The following PRPF19 variants were observed in gnomAD, a reference collection of about 807,000 sequenced individuals.
PRPF19 encodes pre-mRNA-processing factor 19.
PRPF19 carries 2 observed loss-of-function variants against 64.2 expected under a neutral mutation model. The observed-to-expected ratio is 0.03, with a 90% CI of 0.01 to 0.10. The LOEUF is 0.10. PRPF19 is among the 10% of genes least tolerant of loss of function. PRPF19 has a pLI of 1.00. For synonymous variants in PRPF19, 226 were observed against 251.6 expected, an observed-to-expected ratio of 0.90 and a Z score of 0.96; for missense variants, 314 against 650.0, an observed-to-expected ratio of 0.48 and a Z score of 5.62.
At chr11:60,892,088 A>G (rs1297023402) in intron 15 of PRPF19, among the ~76,000 whole-genome samples, 1 of 152,138 alleles carries the variant, frequency 6.6e-6, no homozygotes, top group Non-Finnish European at 1.5e-5. Context: ...CCATCTCCAC[A>G]ACACCAGCTG....
At chr11:60,896,945 A>AT (rs1565110035) in intron 15 of PRPF19, among the ~76,000 whole-genome samples, 4 of 152,338 alleles carry the variant, frequency 2.6e-5, no homozygotes, top group Admixed American at 1.3e-4. Context: ...AAAAGAATCC[A>AT]TTTTTTTAAG....
intron 15 of PRPF19, among the ~76,000 whole-genome samples, chr11:60,895,324 T>C (rs1855907917): frequency 6.6e-6 from 1 of 152,262 alleles, no homozygotes; most frequent in Non-Finnish European, 1.5e-5. Context: ...CTTCACCTTG[T>C]ACTTTTCTGT....
Position 60,899,250 on chromosome 11 carries a change from T to A in PRPF19, c.883A>T (p.Asn295Tyr). 6.2e-7 allele frequency: 1 copy of A among 1,613,842 alleles called. No homozygotes were observed. The highest frequency in any genetic ancestry group is 8.5e-7 in the Non-Finnish European group (1 of 1,179,714). ...CGAACCACCTGTACACAAGAGGCAT[T>A]GGGGACCGACCAAATCCTGATAGTG... ...DATIRIWSVPNASCVQVVRAH... is the reference protein window; with the variant it reads ...DATIRIWSVPYASCVQVVRAH... The change falls in exon 11 of 16, where the codon AAT (asparagine) becomes TAT (tyrosine). Residue 295 changes from asparagine (N) to tyrosine (Y), a missense_variant. Around this residue, in one of 7 missense-constraint regions of PRPF19, gnomAD observed 175 missense variants for 342.9 expected, o/e 0.51. Coordinates refer to ENST00000227524, the MANE Select transcript of PRPF19 (RefSeq NM_014502.5).
chr11:60,902,587 A>G lies in PRPF19; in HGVS notation c.458T>C (p.Val153Ala). ...TAAGGGAAGGGGGACACTTACCACA[A>G]CACTTGGTTGGGAACTTGGCACAGC... ...PQAVPSSQPSVVGAGEPMDLG... is the reference protein window; with the variant it reads ...PQAVPSSQPSAVGAGEPMDLG... The change falls in exon 5 of 16, where the codon GTT becomes GCT. Residue 153 changes from valine (V) to alanine (A), a missense_variant. Val to Ala is a moderately conservative substitution (Grantham distance 64, BLOSUM62 0). Transcript: ENST00000227524. This position sits in a 1 kb window ranked among gnomAD's most constrained non-coding sequence, Gnocchi z 5.0. 2 of 1,613,718 alleles carry G rather than the reference A, an allele frequency of 1.2e-6. No homozygotes were observed. Among genetic ancestry groups the G allele is most frequent in the Admixed American group, 3.3e-5 (2 of 60,032 alleles).
intron 7 of PRPF19, 36 bp from the exon 8 acceptor site, chr11:60,901,405 A>G (rs763904306): frequency 7.4e-6 from 12 of 1,614,050 alleles, no homozygotes; most frequent in Admixed American, 1.7e-5. Flanking sequence ...AAGAGCAGCA[A>G]TGAATCCAAG....
chr11:60,902,914 TG>T lies in PRPF19; in HGVS notation c.247-34del, dbSNP rs747766750. 1.2e-6 allele frequency: 2 copies of T among 1,606,654 alleles called. No individual in the cohort carries two copies. The highest frequency in any genetic ancestry group is 2.2e-5 in the East Asian group (1 of 44,814). ...AAGCAAATATCATTGTAAGGTGAGG[TG>T]GGGGGTGCAGGGAGTACCCAGTGGA... On this transcript the variant is annotated intron_variant, in intron 3 of 15. Coordinates refer to ENST00000227524, the MANE Select transcript of PRPF19 (RefSeq NM_014502.5). This position sits in a 1 kb window ranked among gnomAD's most constrained non-coding sequence, Gnocchi z 5.0.
At position 60,901,335 on chromosome 11, in the gene PRPF19, G is replaced by T; in HGVS notation, c.602C>A (p.Pro201Gln). The change falls in exon 8 of 16, where the codon CCA becomes CAA. Residue 201 changes from proline (P) to glutamine (Q), a missense_variant. Physicochemically the swap from Pro to Gln is moderately conservative, Grantham distance 76. This residue lies in a region of PRPF19 where 175 missense variants were observed against 342.9 expected (regional missense o/e 0.51). Coordinates refer to ENST00000227524, the MANE Select transcript of PRPF19 (RefSeq NM_014502.5). ...CTGCCGGTATTTGCTGAGCTCTTCTGGCTTCACCAGCTCCTCAGGCACAGT... is the reference window on the plus strand; with the variant it reads ...CTGCCGGTATTTGCTGAGCTCTTCTTGCTTCACCAGCTCCTCAGGCACAGT... ...GKTVPEELVK[P>Q]EELSKYRQVA... The T allele has an allele frequency of 6.2e-7, 1 of 1,614,162 alleles. No individual in the cohort carries two copies. The highest frequency in any genetic ancestry group is 1.1e-5 in the South Asian group (1 of 91,082).
At chr11:60,901,946 A>C (rs1032637702) in intron 6 of PRPF19, among the ~76,000 whole-genome samples, 2 of 152,226 alleles carry the variant, frequency 1.3e-5, no homozygotes, top group African/African-American at 4.8e-5. Context: ...CTGGACTTGC[A>C]ATCAGGAAGC....
At position 60,902,731 on chromosome 11, in the gene PRPF19, A is replaced by G. The variant is rs749096228; in HGVS notation, c.388+9T>C. On this transcript the variant is annotated intron_variant, in intron 4 of 15. Coordinates refer to ENST00000227524, the MANE Select transcript of PRPF19 (RefSeq NM_014502.5). This position sits in a 1 kb window ranked among gnomAD's most constrained non-coding sequence, Gnocchi z 5.0. ...CCCAGGGTGGGGGATGGCAGGGGAG[A>G]GGCTGCACCTTCTCGGGCAGCAGTG... The G allele has an allele frequency of 2.5e-5, 41 of 1,614,030 alleles. No homozygotes were observed. Among genetic ancestry groups the G allele is most frequent in the Admixed American group, 3.3e-5 (2 of 60,004 alleles).
intron 1 of PRPF19, among the ~76,000 whole-genome samples, chr11:60,905,145 C>T (rs1313942959): frequency 6.6e-6 from 1 of 152,230 alleles, no homozygotes; most frequent in Non-Finnish European, 1.5e-5. Context: ...TTCACAACAA[C>T]CCGCAATAGA....
At chr11:60,901,208 G>T in intron 8 of PRPF19, 87 bp downstream of exon 8, 2 of 1,409,074 alleles carry the variant, frequency 1.4e-6, no homozygotes, top group Non-Finnish European at 2.0e-6. Context: ...GGACAGCTCT[G>T]CACTCAGCAC....
At position 60,900,873 on chromosome 11, in the gene PRPF19, G is replaced by A; in HGVS notation, c.699C>T (p.Asp233=). Residue 233 remains aspartate (D), a synonymous_variant, in exon 9 of 16, where the codon GAC becomes GAT. Transcript: ENST00000227524. The part of the protein sequence containing the change: ...GILALDLCPS[D]TNKILTGGAD... ...TCTCACCAGTGAGGATCTTGTTGGT[G>A]TCGGACGGGCAGAGGTCCAGGGCCA... The A allele has an allele frequency of 6.2e-7, 1 of 1,614,176 alleles. No individual in the cohort carries two copies. The highest frequency in any genetic ancestry group is 8.5e-7 in the Non-Finnish European group (1 of 1,180,034).
intron 1 of PRPF19, among the ~76,000 whole-genome samples, chr11:60,904,987 C>T (rs1856027513): frequency 6.6e-6 from 1 of 152,150 alleles, no homozygotes. Flanking sequence ...AACTGATTAG[C>T]GTACAGACAC....
In PRPF19 at chr11:60,900,632, G is replaced by A. The variant is rs1214961919; in HGVS notation, c.778C>T (p.Leu260Phe). The A allele has an allele frequency of 6.4e-7, 1 of 1,558,892 alleles. No homozygotes were observed. Residue 260 changes from leucine (L) to phenylalanine (F), a missense_variant, in exon 10 of 16, where the codon CTC becomes TTC. Physicochemically the swap from Leu to Phe is conservative, Grantham distance 22. This residue lies in a region of PRPF19 where 175 missense variants were observed against 342.9 expected (regional missense o/e 0.51). Transcript: ENST00000227524. ...DKSSEQILAT[L>F]KGHTKKVTSV... is the part of the protein sequence containing the mutation. The stretch of plus-strand genomic sequence containing the variant: ...GTGACCTTCTTGGTATGGCCTTTGA[G>A]GGTAGCCAGGATTTGTTCAGAACTT...
chr11:60,897,820 C>A, intron 15 of PRPF19, 26 bp downstream of exon 15: 1 of 1,595,174 alleles, frequency 6.3e-7, no homozygotes, highest in Non-Finnish European at 8.6e-7. Flanking sequence ...CTAGAGAGAT[C>A]CCAGGAGCCC....
rs187103063 is a variant in PRPF19, at chr11:60,899,361, A to C, written c.829-57T>G. 1.2e-5 allele frequency: 18 copies of C among 1,527,328 alleles called. No individual in the cohort carries two copies. In the African/African-American group the frequency reaches 1.8e-4, roughly 15 times the overall value. 94.6% of individuals were successfully genotyped at this position (1,527,328 alleles called of 1,614,324 possible). A position where few individuals can be genotyped will look rare whatever the true frequency, so the allele number is the denominator to read the frequency against. ...TCAGAAAAGAGATACAGACCAAAAC[A>C]ATCTTATAAAACGGGGCTGGGGATG... On this transcript the variant is annotated intron_variant, in intron 10 of 15. Coordinates refer to ENST00000227524, the MANE Select transcript of PRPF19 (RefSeq NM_014502.5).
At chr11:60,900,772 GC>G (rs1855975351) in intron 9 of PRPF19, 81 bp from the exon 10 acceptor site, 2 of 1,590,484 alleles carry the variant, frequency 1.3e-6, no homozygotes, top group Admixed American at 3.4e-5. Context: ...TTGTTCCCAT[GC>G]CCATGAAGAG....
chr11:60,903,314 G>T, intron 3 of PRPF19, 145 bp downstream of exon 3: 1 of 887,452 alleles, frequency 1.1e-6, no homozygotes, highest in Non-Finnish European at 1.7e-6. Context: ...CTCAGTGCTG[G>T]GGATACAACG....
At chr11:60,903,324 G>T (rs1311573804) in intron 3 of PRPF19, 135 bp downstream of exon 3, 10 of 989,696 alleles carry the variant, frequency 1.0e-5, no homozygotes, top group African/African-American at 3.3e-5. Context: ...GGGATACAAC[G>T]AAGAATAAAA....
Sources: allele counts gnomAD v4.1 joint callset (sites outside exome capture counted in the v4.1 genomes callset), GRCh38; gene constraint gnomAD v4.1.1; regional missense constraint gnomAD v4.1.1; non-coding constraint Gnocchi (gnomAD v3.1); transcripts MANE v1.5; gene names NCBI Gene and HGNC (gene_info 2026-07-23, HGNC 2026-07-21).